EPHA7: variants seen among roughly 807,000 people sequenced by gnomAD.
EPHA7 encodes the protein ephrin type-A receptor 7.
Under a neutral mutation model 112.6 loss-of-function variants are expected in EPHA7, and 25 were observed. The ratio of observed to expected loss-of-function variants is 0.22; its 90% CI spans 0.16 to 0.31. EPHA7 has a LOEUF of 0.31. EPHA7 is among the 10% of genes least tolerant of loss of function. EPHA7 has a pLI of 1.00. For missense variants in EPHA7, 962 were observed against 1,212.6 expected, an observed-to-expected ratio of 0.79 and a Z score of 3.07; for synonymous variants, 437 against 406.5, an observed-to-expected ratio of 1.07 and a Z score of -0.90.
At chr6:93,360,092 G>A (rs1676875315) in intron 3 of EPHA7, among the ~76,000 whole-genome samples, 3 of 152,060 alleles carry the variant, frequency 2.0e-5, no homozygotes, top group Non-Finnish European at 4.4e-5. Flanking sequence ...ATCTTCACTT[G>A]TTTTCAATAG....
In EPHA7 at chr6:93,298,475, C is replaced by CATAA. The variant is rs560974121; in HGVS notation, c.1325-26054_1325-26053insTTAT. Among the ~76,000 whole-genome samples the CATAA allele has an allele frequency of 8.0e-3, 1,213 of 152,008 alleles. 16 individuals carry two copies. The highest frequency in any genetic ancestry group is 0.028 in the African/African-American group (1,151 of 41,480). ...TATATAAAATTAAATGGCAACAAAT[C>CATAA]ATGTTTATATTATATATACATATAT... is the stretch of plus-strand genomic sequence containing the variant. On this transcript the variant is annotated intron_variant, in intron 5 of 16. Transcript: ENST00000369303.
intron 5 of EPHA7, among the ~76,000 whole-genome samples, chr6:93,296,491 C>G (rs1053659619): frequency 2.7e-5 from 4 of 147,436 alleles, no homozygotes; most frequent in South Asian, 2.1e-4. Flanking sequence ...CACACACACA[C>G]ACAGAATATT....
At chr6:93,338,495 G>A (rs9351356) in intron 5 of EPHA7, among the ~76,000 whole-genome samples, 34,523 of 151,602 alleles carry the variant, frequency 0.23, 4,638 homozygotes, top group East Asian at 0.58. Flanking sequence ...TTTCCAAATC[G>A]GTATTCCAAT....
intron 5 of EPHA7, among the ~76,000 whole-genome samples, chr6:93,317,907 C>A (rs1396882993): frequency 6.6e-6 from 1 of 152,170 alleles, no homozygotes; most frequent in East Asian, 1.9e-4. Flanking sequence ...ACTCTTCATC[C>A]TCCTTCAGGT....
chr6:93,387,639 C>T lies in EPHA7; in HGVS notation c.832+22862G>A, dbSNP rs140651216. 9.2e-5 allele frequency among the ~76,000 whole-genome samples: 14 copies of T among 152,160 alleles called. No individual in the cohort carries two copies. The East Asian group carries it at 1.2e-3, about 13-fold the overall frequency. ...AGGAGGGTTAATTCACTCACAATTA[C>T]GCATAGCTGGGGAGGCCTCAGTAAA... On this transcript the variant is annotated intron_variant, in intron 3 of 16. Coordinates refer to ENST00000369303, the MANE Select transcript of EPHA7 (RefSeq NM_004440.4).
At chr6:93,244,461 G>A (rs534157503) in intron 16 of EPHA7, among the ~76,000 whole-genome samples, 200 of 152,088 alleles carry the variant, frequency 1.3e-3, no homozygotes, top group African/African-American at 4.6e-3. Flanking sequence ...TCCCACAAAT[G>A]GAACCTTGAT....
At chr6:93,376,112 T>C (rs1777047323) in intron 3 of EPHA7, among the ~76,000 whole-genome samples, 1 of 152,058 alleles carries the variant, frequency 6.6e-6, no homozygotes, top group Non-Finnish European at 1.5e-5. Flanking sequence ...CCAGTAATTA[T>C]CAGGGGACAC....
chr6:93,316,662 T>C (rs960208001), intron 5 of EPHA7, among the ~76,000 whole-genome samples: 1 of 152,164 alleles, frequency 6.6e-6, no homozygotes, highest in Non-Finnish European at 1.5e-5. Context: ...AAGAAATTAC[T>C]TTCTATATTA....
chr6:93,358,073 T>C (rs1172954700), intron 4 of EPHA7, among the ~76,000 whole-genome samples, 183 bp downstream of exon 4: 1 of 152,184 alleles, frequency 6.6e-6, no homozygotes, highest in Non-Finnish European at 1.5e-5. Context: ...ATGTAAGATA[T>C]ATTTATATTA....
intron 14 of EPHA7, among the ~76,000 whole-genome samples, chr6:93,254,287 C>A (rs2127854655): frequency 6.6e-6 from 1 of 152,144 alleles, no homozygotes; most frequent in Non-Finnish European, 1.5e-5. Context: ...AAACAAAGCA[C>A]AACCAAACTT....
intron 3 of EPHA7, among the ~76,000 whole-genome samples, chr6:93,382,251 G>T (rs759517893): frequency 1.3e-5 from 2 of 152,010 alleles, no homozygotes; most frequent in Non-Finnish European, 2.9e-5. Flanking sequence ...TGGGTAGAAG[G>T]GATGTTTTCA....
intron 5 of EPHA7, among the ~76,000 whole-genome samples, chr6:93,283,078 G>C (rs893247552): frequency 6.6e-5 from 10 of 152,228 alleles, no homozygotes; most frequent in African/African-American, 2.4e-4. Context: ...CCTGAGTCTA[G>C]TGGGGACTTG....
intron 3 of EPHA7, among the ~76,000 whole-genome samples, chr6:93,361,279 T>C (rs1489226041): frequency 2.6e-5 from 4 of 152,186 alleles, no homozygotes; most frequent in South Asian, 4.1e-4. Context: ...CAGTTTTCAT[T>C]TGATCTCAAA....
intron 3 of EPHA7, among the ~76,000 whole-genome samples, chr6:93,388,786 G>A (rs952849169): frequency 5.9e-5 from 9 of 151,912 alleles, no homozygotes; most frequent in African/African-American, 2.2e-4. Context: ...AGTGTCATTA[G>A]GTGATGCATA....
At position 93,419,269 on chromosome 6, in the gene EPHA7, C is replaced by T. The variant is rs370009055; in HGVS notation, c.73G>A (p.Gly25Arg). ...CCTTCCTTCGCAGCCTGCGCCTCCCCTGTGTGTGCAAAGCGGAGCAGCCAG... is the reference window on the plus strand; with the variant it reads ...CCTTCCTTCGCAGCCTGCGCCTCCCTTGTGTGTGCAAAGCGGAGCAGCCAG... ...YIWLLRFAHT[G>R]EAQAAKEVLL... is the part of the protein sequence containing the mutation. Residue 25 changes from glycine (G) to arginine (R), a missense_variant, in exon 1 of 17, where the codon GGG (glycine) becomes AGG (arginine). Gly to Arg is a moderately radical substitution (Grantham distance 125, BLOSUM62 -2). Around this residue, in one of 3 missense-constraint regions of EPHA7, gnomAD observed 56 missense variants for 59.9 expected, o/e 0.94. Coordinates refer to ENST00000369303, the MANE Select transcript of EPHA7 (RefSeq NM_004440.4). The T allele has an allele frequency of 2.3e-5, 37 of 1,613,964 alleles. No individual in the cohort carries two copies. In the African/African-American group the frequency reaches 4.3e-4, roughly 19 times the overall value.
At chr6:93,367,637 T>C (rs1776581696) in intron 3 of EPHA7, among the ~76,000 whole-genome samples, 2 of 152,096 alleles carry the variant, frequency 1.3e-5, no homozygotes, top group Non-Finnish European at 1.5e-5. Flanking sequence ...ACACAAATTA[T>C]AAGACTGGCT....
chr6:93,357,102 A>T, intron 4 of EPHA7, 50 bp from the exon 5 acceptor site: 2 of 1,415,126 alleles, frequency 1.4e-6, no homozygotes, highest in Non-Finnish European at 1.9e-6. Flanking sequence ...AGAAAAAAAA[A>T]CATACAAACA....
intron 4 of EPHA7, 75 bp from the exon 5 acceptor site, chr6:93,357,127 A>T (rs1268632000): frequency 1.7e-6 from 2 of 1,199,328 alleles, no homozygotes; most frequent in African/African-American, 3.1e-5. Flanking sequence ...GAACAAAAGG[A>T]TCTGTGTGGG....
chr6:93,332,173 C>T (rs1232837745), intron 5 of EPHA7, among the ~76,000 whole-genome samples: 1 of 151,538 alleles, frequency 6.6e-6, no homozygotes, highest in Non-Finnish European at 1.5e-5. Flanking sequence ...TGCTTGTCAG[C>T]ATCATGGCTA....
Sources: allele counts gnomAD v4.1 joint callset (sites outside exome capture counted in the v4.1 genomes callset), GRCh38; gene constraint gnomAD v4.1.1; regional missense constraint gnomAD v4.1.1; transcripts MANE v1.5; gene names NCBI Gene and HGNC (gene_info 2026-07-23, HGNC 2026-07-21).